PRPF6: variants seen among roughly 807,000 people sequenced by gnomAD.
PRPF6 encodes the protein pre-mRNA processing factor 6.
In PRPF6, 42 loss-of-function variants were observed where a neutral mutation model predicts 118.3. The ratio of observed to expected loss-of-function variants is 0.35; its 90% CI spans 0.28 to 0.46. PRPF6 has a LOEUF of 0.46. Among genes scored for constraint, PRPF6 ranks in the 20% least tolerant of loss-of-function variants. The pLI is 1.00. For missense variants in PRPF6, 662 were observed against 1,255.7 expected (o/e 0.53, Z 7.15); for synonymous variants, 481 against 485.1 (o/e 0.99, Z 0.11).
chr20:64,003,914 A>G (rs1405267358), intron 9 of PRPF6, among the ~76,000 whole-genome samples: 1 of 152,184 alleles, frequency 6.6e-6, no homozygotes, highest in Non-Finnish European at 1.5e-5. Context: ...AGCGTCTTAT[A>G]ATGAGGTGGC....
intron 12 of PRPF6, among the ~76,000 whole-genome samples, chr20:64,017,146 G>A (rs888859327): frequency 6.6e-6 from 1 of 152,192 alleles, no homozygotes. Flanking sequence ...GTTTCACCGT[G>A]TTAGCCAGGA....
At chr20:63,994,780 A>C in intron 4 of PRPF6, 136 bp from the exon 5 acceptor site, 1 of 1,157,734 alleles carries the variant, frequency 8.6e-7, no homozygotes, top group Non-Finnish European at 1.2e-6. Context: ...AAACAAAAGT[A>C]AAAAACAGTT....
At chr20:64,010,688 G>T (rs1301707737) in intron 10 of PRPF6, among the ~76,000 whole-genome samples, 2 of 152,202 alleles carry the variant, frequency 1.3e-5, no homozygotes, top group Non-Finnish European at 2.9e-5. Context: ...AGCTCCGCAT[G>T]ACTGCTCTTT....
In PRPF6 at chr20:64,028,336, G is replaced by T; in HGVS notation, c.2340-142G>T. 2 of 848,256 alleles carry T rather than the reference G, an allele frequency of 2.4e-6. No individual in the cohort carries two copies. The highest frequency in any genetic ancestry group is 3.8e-6 in the Non-Finnish European group (2 of 523,080). The allele number at this position is 848,256 out of a possible 1,614,324, so 52.5% of individuals were successfully genotyped here. A position where few individuals can be genotyped will look rare whatever the true frequency, so the allele number is the denominator to read the frequency against. ...GGCCCCAGCGCCTTGTTTCTGTGGT[G>T]GATGAGCTCTGCTGTGGAGGGAATG... On this transcript the variant is annotated intron_variant, in intron 17 of 20. Transcript: ENST00000266079. The surrounding 1 kb of genome is among the most constrained non-coding windows in gnomAD (Gnocchi z 6.5).
intron 14 of PRPF6, among the ~76,000 whole-genome samples, chr20:64,025,341 T>G (rs886133015): frequency 6.6e-6 from 1 of 152,124 alleles, no homozygotes; most frequent in African/African-American, 2.4e-5. Flanking sequence ...CCCGCTCTCT[T>G]GGGCGGCTGT....
At chr20:63,990,881 C>G (rs561578364) in intron 3 of PRPF6, among the ~76,000 whole-genome samples, 80 of 152,014 alleles carry the variant, frequency 5.3e-4, no homozygotes, top group African/African-American at 1.6e-3. Context: ...GTCTTGAACT[C>G]CTGCCCTTGT....
At chr20:63,997,989 T>C (rs1424080123) in intron 6 of PRPF6, among the ~76,000 whole-genome samples, 1 of 152,232 alleles carries the variant, frequency 6.6e-6, no homozygotes, top group African/African-American at 2.4e-5. Context: ...GACGGACACT[T>C]GGACCACTTT....
rs2059316623 is a variant in PRPF6 at position 64,031,966 on chromosome 20, C to T, written c.2595C>T (p.His865=). 1 of 1,614,170 alleles carries T rather than the reference C, an allele frequency of 6.2e-7. No homozygotes were observed. Among genetic ancestry groups the T allele is most frequent in the East Asian group, 2.2e-5 (1 of 44,880 alleles). ...TCACCAAGGCCAGGGAGTGGTTCCA[C>T]CGCACTGTGAAGATTGACTCGGACC... ...RKITKAREWF[H]RTVKIDSDLG... The change falls in exon 20 of 21, where the codon CAC becomes CAT. Residue 865 remains histidine (H), a synonymous_variant. Transcript: ENST00000266079.
rs747507987 is a variant in PRPF6, at chr20:64,011,281, G to A, written c.1306-4G>A. 5.6e-6 allele frequency: 9 copies of A among 1,613,970 alleles called. No individual in the cohort carries two copies. The highest frequency in any genetic ancestry group is 2.2e-5 in the South Asian group (2 of 91,066). On this transcript the variant is annotated splice_polypyrimidine_tract_variant and splice_region_variant and intron_variant, in intron 10 of 20. Transcript: ENST00000266079. This position sits in a 1 kb window ranked among gnomAD's most constrained non-coding sequence, Gnocchi z 6.7. The stretch of plus-strand genomic sequence containing the variant: ...CTCCTTTTTCTCGTGTCCTCTCCGC[G>A]TAGCTCTGGCTTGCTCTGGCAAGGC...
Position 64,001,132 on chromosome 20 carries a change from C to T in PRPF6, c.1079C>T (p.Ala360Val), listed in dbSNP as rs765843738. ...TTGCAGCCTGGGGACACAGCCAAGG[C>T]CGTGGTAGCCCAAGCTGTCCGTCAT... Reference protein sequence around the residue: ...ARLQPGDTAKAVVAQAVRHLP... With the variant: ...ARLQPGDTAKVVVAQAVRHLP... The change falls in exon 9 of 21, where the codon GCC becomes GTC. Residue 360 changes from alanine to valine, a missense_variant. Transcript: ENST00000266079. 1.9e-6 allele frequency: 3 copies of T among 1,614,176 alleles called. No homozygotes were observed. The highest frequency in any genetic ancestry group is 1.6e-4 in the Middle Eastern group (1 of 6,062).
At chr20:63,981,360 G>A in intron 1 of PRPF6, 44 bp downstream of exon 1, 2 of 1,532,292 alleles carry the variant, frequency 1.3e-6, no homozygotes, top group Admixed American at 2.0e-5. Context: ...CCCGGCTACA[G>A]GAGCGCAGTG....
intron 4 of PRPF6, among the ~76,000 whole-genome samples, chr20:63,994,277 C>T (rs1203778883): frequency 6.6e-6 from 1 of 151,974 alleles, no homozygotes; most frequent in Non-Finnish European, 1.5e-5. Flanking sequence ...CCTGCCTCAG[C>T]CTCCCTAGTA....
Position 64,028,636 on chromosome 20 carries a change from G to A in PRPF6, c.2431+67G>A, listed in dbSNP as rs374514846. ...CCGGTAAGGGGGTGCCTTGACTCCG[G>A]TAAGGGGGTGCTTCCTGGCTTCCCA... On this transcript the variant is annotated intron_variant, in intron 18 of 20. Coordinates refer to ENST00000266079, the MANE Select transcript of PRPF6 (RefSeq NM_012469.4). The surrounding 1 kb of genome is among the most constrained non-coding windows in gnomAD (Gnocchi z 6.5). 2,690 of 1,558,138 alleles carry A rather than the reference G, an allele frequency of 1.7e-3. 32 individuals are homozygous for A. Among genetic ancestry groups the A allele is most frequent in the South Asian group, 0.015 (1,306 of 89,614 alleles).
chr20:64,023,967 G>T (rs1428144615), intron 13 of PRPF6, among the ~76,000 whole-genome samples: 1 of 152,190 alleles, frequency 6.6e-6, no homozygotes, highest in African/African-American at 2.4e-5. Context: ...GCTCCACACA[G>T]TGTGATTGTG....
intron 6 of PRPF6, 22 bp from the exon 7 acceptor site, chr20:63,999,023 C>A (rs758623028): frequency 6.2e-7 from 1 of 1,601,106 alleles, no homozygotes; most frequent in Admixed American, 1.7e-5. Flanking sequence ...CCAGCTGACT[C>A]TTAGCTTGGC....
chr20:63,983,729 A>C (rs2059081611), intron 2 of PRPF6, among the ~76,000 whole-genome samples: 1 of 150,588 alleles, frequency 6.6e-6, no homozygotes, highest in East Asian at 2.0e-4. Context: ...ATCTCAGCTC[A>C]CTGTGACCTC....
At chr20:64,018,548 A>C (rs968607530) in intron 12 of PRPF6, among the ~76,000 whole-genome samples, 1 of 151,664 alleles carries the variant, frequency 6.6e-6, no homozygotes, top group Non-Finnish European at 1.5e-5. Flanking sequence ...TATTTTGAGG[A>C]TCCATTAATG....
Position 63,993,529 on chromosome 20 carries a change from T to C in PRPF6, c.438+44T>C, listed in dbSNP as rs533658747. 5.3e-6 allele frequency: 8 copies of C among 1,510,212 alleles called. No homozygotes were observed. The South Asian group carries it at 5.6e-5, about 11-fold the overall frequency. The allele number at this position is 1,510,212 out of a possible 1,614,324, so 93.6% of individuals were successfully genotyped here. A position where few individuals can be genotyped will look rare whatever the true frequency, so the allele number is the denominator to read the frequency against. On this transcript the variant is annotated intron_variant, in intron 4 of 20. Coordinates refer to ENST00000266079, the MANE Select transcript of PRPF6 (RefSeq NM_012469.4). Reference sequence around the variant, plus strand: ...GAATGGTGTGCGGTTTCTAACGCTCTCACCCTAACCCGCAGAGACTCAGAC... The same window carrying C: ...GAATGGTGTGCGGTTTCTAACGCTCCCACCCTAACCCGCAGAGACTCAGAC...
At chr20:64,017,887 A>C (rs2059246282) in intron 12 of PRPF6, among the ~76,000 whole-genome samples, 1 of 152,254 alleles carries the variant, frequency 6.6e-6, no homozygotes, top group Admixed American at 6.5e-5. Context: ...CAGTGCTGTC[A>C]GGTAACTTCA....
Sources: allele counts gnomAD v4.1 joint callset (sites outside exome capture counted in the v4.1 genomes callset), GRCh38; gene constraint gnomAD v4.1.1; non-coding constraint Gnocchi (gnomAD v3.1); transcripts MANE v1.5; gene names NCBI Gene and HGNC (gene_info 2026-07-23, HGNC 2026-07-21).